VPS13A: variants seen among roughly 807,000 people sequenced by gnomAD.
VPS13A encodes vacuolar protein sorting 13 homolog A.
Under a neutral mutation model 390.9 loss-of-function variants are expected in VPS13A, and 264 were observed. The ratio of observed to expected loss-of-function variants is 0.68; its 90% confidence interval spans 0.61 to 0.75. The LOEUF (loss-of-function observed/expected upper bound fraction) is 0.75, where lower values mean the gene tolerates loss of function less well. Among genes scored for constraint, VPS13A ranks in the 30% least tolerant of loss-of-function variants. The pLI, the probability that VPS13A is intolerant of heterozygous loss-of-function variation, is 0.00. For synonymous variants in VPS13A, 1,231 were observed against 1,227.1 expected (o/e 1.00, Z -0.07); for missense variants, 3,409 against 3,733.9 (o/e 0.91, Z 2.27).
chr9:77,297,080 T>G (rs1278607325), intron 33 of VPS13A, among the ~76,000 whole-genome samples: 2 of 152,068 alleles, frequency 1.3e-5, no homozygotes, highest in African/African-American at 4.8e-5. Context: ...GTTTTTGGTT[T>G]TATTTTTTTT....
chr9:77,229,277 A>G (rs1370707810), intron 17 of VPS13A, among the ~76,000 whole-genome samples: 1 of 151,974 alleles, frequency 6.6e-6, no homozygotes, highest in African/African-American at 2.4e-5. Context: ...ATGGGGTTTC[A>G]CCATGTTGCC....
At chr9:77,240,711 C>T (rs1159978858) in intron 19 of VPS13A, among the ~76,000 whole-genome samples, 1 of 151,568 alleles carries the variant, frequency 6.6e-6, no homozygotes, top group Non-Finnish European at 1.5e-5. Flanking sequence ...CTTCTGTCCT[C>T]AGGTGATCCA....
chr9:77,299,622 C>G (rs746756253), intron 33 of VPS13A, among the ~76,000 whole-genome samples: 1 of 152,120 alleles, frequency 6.6e-6, no homozygotes, highest in Non-Finnish European at 1.5e-5. Flanking sequence ...GACACATGCA[C>G]ACGTATGTTT....
chr9:77,345,033 A>T lies in VPS13A; in HGVS notation c.7180A>T (p.Asn2394Tyr). The change falls in exon 52 of 72, where the codon AAT becomes TAT. Residue 2394 changes from asparagine (N) to tyrosine (Y), a missense_variant. Asn to Tyr is a moderately radical substitution (Grantham distance 143). This residue lies in a region of VPS13A where 2,717 missense variants were observed against 2,917.4 expected (regional missense o/e 0.93). Transcript: ENST00000360280. ...NELGGIIAEV[N>Y]LAEHSTVITF... ...GCTTGGAGGTATTATAGCAGAAGTG[A>T]ATTTGGCCGAGCATTCTACAGTTAT... is the stretch of plus-strand genomic sequence containing the variant. The T allele has an allele frequency of 6.2e-7, 1 of 1,612,698 alleles. No homozygotes were observed. Among genetic ancestry groups the T allele is most frequent in the Non-Finnish European group, 8.5e-7 (1 of 1,179,842 alleles).
rs550545555 is a variant in VPS13A, at chr9:77,418,745, C to T, written c.*2739C>T. On this transcript the variant is annotated 3_prime_UTR_variant, in exon 72 of 72. Coordinates refer to ENST00000360280, the MANE Select transcript of VPS13A (RefSeq NM_033305.3). ...AATAAATCTTTCTTACACTTACTTA[C>T]GTGATATTTTCTATCATAATTATCT... is the stretch of plus-strand genomic sequence containing the variant. 3.3e-5 allele frequency: 5 copies of T among 151,968 alleles called. No homozygotes were observed. Among genetic ancestry groups the T allele is most frequent in the East Asian group, 1.9e-4 (1 of 5,172 alleles). The allele number at this position is 151,968 out of a possible 1,614,324, so 9.4% of individuals were successfully genotyped here.
intron 35 of VPS13A, among the ~76,000 whole-genome samples, chr9:77,309,383 G>A (rs1828939381): frequency 6.6e-6 from 1 of 152,132 alleles, no homozygotes; most frequent in African/African-American, 2.4e-5. Context: ...AAATAATTGA[G>A]GAAATGGAAG....
At position 77,209,506 on chromosome 9, in the gene VPS13A, A is replaced by G. The variant is rs761366962; in HGVS notation, c.469A>G (p.Ser157Gly). Residue 157 changes from serine (S) to glycine (G), a missense_variant, in exon 6 of 72, where the codon AGT (serine) becomes GGT (glycine). Around this residue, in one of 5 missense-constraint regions of VPS13A, gnomAD observed 2,717 missense variants for 2,917.4 expected, o/e 0.93. Coordinates refer to ENST00000360280, the MANE Select transcript of VPS13A (RefSeq NM_033305.3). ...IIKNLQVKISSIHIRYEDDIT... is the reference protein window; with the variant it reads ...IIKNLQVKISGIHIRYEDDIT... ...AAAAAATCTTCAGGTGAAAATTTCCAGTATCCATATTCGTTATGAAGATGA... is the reference window on the plus strand; with the variant it reads ...AAAAAATCTTCAGGTGAAAATTTCCGGTATCCATATTCGTTATGAAGATGA... 1.2e-6 allele frequency: 2 copies of G among 1,604,260 alleles called. No individual in the cohort carries two copies. The highest frequency in any genetic ancestry group is 4.5e-5 in the East Asian group (2 of 44,682).
intron 1 of VPS13A, among the ~76,000 whole-genome samples, chr9:77,191,447 T>C (rs1336399585): frequency 6.6e-6 from 1 of 151,642 alleles, no homozygotes; most frequent in Admixed American, 6.6e-5. Flanking sequence ...AGGTGTGCAC[T>C]CCTACACCTG....
chr9:77,371,717 T>C (rs1832765847), intron 67 of VPS13A, among the ~76,000 whole-genome samples: 1 of 151,334 alleles, frequency 6.6e-6, no homozygotes, highest in Non-Finnish European at 1.5e-5. Context: ...GCAGGTTAGT[T>C]ACATATGTAT....
intron 1 of VPS13A, among the ~76,000 whole-genome samples, chr9:77,179,566 T>C (rs763352436): frequency 2.0e-5 from 3 of 152,198 alleles, no homozygotes; most frequent in Non-Finnish European, 2.9e-5. Flanking sequence ...TTGAAGAATA[T>C]TTCAGTTTTT....
intron 23 of VPS13A, among the ~76,000 whole-genome samples, chr9:77,268,656 C>T (rs72744211): frequency 0.055 from 8,299 of 152,192 alleles, 333 homozygotes; most frequent in South Asian, 0.12. Context: ...GAGTATGTTA[C>T]TACCTGGGCG....
chr9:77,238,535 A>C (rs891179017), intron 19 of VPS13A, 149 bp downstream of exon 19: 1 of 718,582 alleles, frequency 1.4e-6, no homozygotes, highest in Non-Finnish European at 2.4e-6. Flanking sequence ...TAGTACTTTT[A>C]TGTTTAAAGG....
chr9:77,250,220 A>G lies in VPS13A; in HGVS notation c.2161A>G (p.Ser721Gly), dbSNP rs769903499. Residue 721 changes from serine (S) to glycine (G), a missense_variant, in exon 21 of 72, where the codon AGT (serine) becomes GGT (glycine). This residue lies in a region of VPS13A where 2,717 missense variants were observed against 2,917.4 expected (regional missense o/e 0.93). Coordinates refer to ENST00000360280, the MANE Select transcript of VPS13A (RefSeq NM_033305.3). The stretch of plus-strand genomic sequence containing the variant: ...ACTTACAAGTGTACAGCTGCTTTAC[A>G]GTAGAGTTGGTGAGTATAAAATGCA... ...IQLTSVQLLYSRVGDNWREAR... is the reference protein window; with the variant it reads ...IQLTSVQLLYGRVGDNWREAR... The G allele has an allele frequency of 2.5e-6, 4 of 1,613,420 alleles. No homozygotes were observed. Among genetic ancestry groups the G allele is most frequent in the African/African-American group, 1.3e-5 (1 of 74,934 alleles).
chr9:77,318,093 TTATAAACAATAAATTGTATCTTC>T, intron 40 of VPS13A, 119 bp from the exon 41 acceptor site: 5 of 515,796 alleles, frequency 9.7e-6, no homozygotes, highest in Non-Finnish European at 1.6e-5. Flanking sequence ...TTAAAAAATT[TTATAAACAATAAATTGTATCTTC>T]TATTTTGTGG....
In VPS13A at chr9:77,395,716, A is replaced by G. The variant is rs192805521; in HGVS notation, c.9190-7520A>G. 37 of 152,284 alleles carry G rather than the reference A, an allele frequency of 2.4e-4. No homozygotes were observed. The East Asian group carries it at 6.2e-3, about 25-fold the overall frequency. 9.4% of individuals were successfully genotyped at this position (152,284 alleles called of 1,614,324 possible). On this transcript the variant is annotated intron_variant, in intron 68 of 71. Transcript: ENST00000360280. The stretch of plus-strand genomic sequence containing the variant: ...TATATTTTTATTATTCCAGATGAAT[A>G]CCAGTTTATGCAAGTTCTTAGTCAT...
intron 17 of VPS13A, among the ~76,000 whole-genome samples, chr9:77,234,804 A>G (rs1268684510): frequency 6.6e-6 from 1 of 151,904 alleles, no homozygotes; most frequent in East Asian, 1.9e-4. Flanking sequence ...TTTCTTCCTC[A>G]TTTCTTTTTC....
chr9:77,370,615 A>C (rs1469405522), intron 65 of VPS13A, 37 bp downstream of exon 65: 1 of 1,613,260 alleles, frequency 6.2e-7, no homozygotes, highest in Admixed American at 1.7e-5. Context: ...ATTTTGGGAA[A>C]TATCTTTTAA....
rs1829761350 is a variant in VPS13A, at chr9:77,321,758, A to G, written c.5830+12A>G. On this transcript the variant is annotated intron_variant, in intron 44 of 71. Transcript: ENST00000360280. ...CTTCATTCTTCTTAGTAAGTAGTTG[A>G]AAAATTACCTTCCTGGGGCTATTTT... 1.2e-6 allele frequency: 2 copies of G among 1,612,774 alleles called. No individual in the cohort carries two copies. The highest frequency in any genetic ancestry group is 1.7e-5 in the Admixed American group (1 of 59,902).
chr9:77,235,738 A>G (rs1434362397), intron 17 of VPS13A, among the ~76,000 whole-genome samples: 1 of 152,002 alleles, frequency 6.6e-6, no homozygotes, highest in Non-Finnish European at 1.5e-5. Flanking sequence ...ATTATTCTTT[A>G]TGCTCCACAG....
Sources: allele counts gnomAD v4.1 joint callset (sites outside exome capture counted in the v4.1 genomes callset), GRCh38; gene constraint gnomAD v4.1.1; regional missense constraint gnomAD v4.1.1; transcripts MANE v1.5; gene names NCBI Gene and HGNC (gene_info 2026-07-23, HGNC 2026-07-21).